Variants in NTMT1 observed in about 807,000 individuals in gnomAD.
NTMT1 encodes N-terminal RCC1 methyltransferase.
A neutral mutation model predicts 17.5 loss-of-function variants in NTMT1; 8 were observed. That is an observed-to-expected ratio of 0.46 (90% confidence interval 0.27 to 0.82). The LOEUF (loss-of-function observed/expected upper bound fraction) is 0.82. Among genes scored for constraint, NTMT1 ranks in the 40% least tolerant of loss-of-function variants. The pLI, the probability that NTMT1 is intolerant of heterozygous loss-of-function variation, is 0.15. For synonymous variants in NTMT1, 128 were observed against 126.8 expected, an observed-to-expected ratio of 1.01 and a Z score of -0.06; for missense variants, 221 against 303.5, an observed-to-expected ratio of 0.73 and a Z score of 2.02.
intron 3 of NTMT1, 184 bp from the exon 4 acceptor site, chr9:129,635,022 CCA>C (rs561943026): frequency 4.7e-5 from 32 of 683,128 alleles, no homozygotes; most frequent in African/African-American, 1.4e-4. Flanking sequence ...GACCTCTGAG[CCA>C]CAGTTTCCTA....
chr9:129,611,319 C>T (rs893677928), intron 1 of NTMT1, among the ~76,000 whole-genome samples: 1 of 152,212 alleles, frequency 6.6e-6, no homozygotes, highest in African/African-American at 2.4e-5. Flanking sequence ...AAAGAGGCGG[C>T]GGCTCAAACT....
rs80350763 is a variant in NTMT1, at chr9:129,613,131, C to T, written c.-55+3953C>T. 1 of 1,613,912 alleles carries T rather than the reference C, an allele frequency of 6.2e-7. No individual in the cohort carries two copies. The highest frequency in any genetic ancestry group is 8.5e-7 in the Non-Finnish European group (1 of 1,180,004). On this transcript the variant is annotated intron_variant, in intron 1 of 3. Coordinates refer to the NTMT1 transcript ENST00000372486. This position sits in a 1 kb window ranked among gnomAD's most constrained non-coding sequence, Gnocchi z 6.2. Reference sequence around the variant, plus strand: ...CCTGCTCCAGGTTTCTGTGCGGGTCCAAGAAGGCTCGGAGGCTGCTTCGCG... The same window carrying T: ...CCTGCTCCAGGTTTCTGTGCGGGTCTAAGAAGGCTCGGAGGCTGCTTCGCG...
intron 3 of NTMT1, 69 bp downstream of exon 3, chr9:129,634,375 C>G: frequency 6.5e-7 from 1 of 1,527,130 alleles, no homozygotes; most frequent in Non-Finnish European, 8.8e-7. Flanking sequence ...CATAAGGTGT[C>G]AGGACCAGGG....
intron 1 of NTMT1, among the ~76,000 whole-genome samples, chr9:129,610,492 G>A (rs914162000): frequency 2.0e-5 from 3 of 152,024 alleles, no homozygotes; most frequent in African/African-American, 7.2e-5. Context: ...GGGGGGCGGG[G>A]GCGGCGCGTT....
In NTMT1 at chr9:129,634,287, C is replaced by T; in HGVS notation, c.396C>T (p.Ile132=). 6.2e-7 allele frequency: 1 copy of T among 1,607,048 alleles called. No individual in the cohort carries two copies. The highest frequency in any genetic ancestry group is 8.5e-7 in the Non-Finnish European group (1 of 1,175,468). The change falls in exon 3 of 4, where the codon ATC becomes ATT. Residue 132 remains isoleucine, a synonymous_variant. Transcript: ENST00000372483. ...CGGAGCCGGACTCTTACGACGTGAT[C>T]TGGATCCAGTGGGTGATAGGTGAGG... ...FTPEPDSYDV[I]WIQWVIGHLT... is the part of the protein sequence containing the mutation.
chr9:129,610,628 G>A (rs895835970), intron 1 of NTMT1, among the ~76,000 whole-genome samples: 1 of 151,960 alleles, frequency 6.6e-6, no homozygotes, highest in Non-Finnish European at 1.5e-5. Flanking sequence ...GCCGCGCGAG[G>A]GGAAAAGTTT....
At position 129,613,034 on chromosome 9, in the gene NTMT1, G is replaced by A; in HGVS notation, c.-55+3856G>A. On this transcript the variant is annotated intron_variant, in intron 1 of 3. Coordinates refer to the NTMT1 transcript ENST00000372486. The surrounding 1 kb of genome is among the most constrained non-coding windows in gnomAD (Gnocchi z 6.2). ...CCAGCCCCAGCCACTCCACCAAACA[G>A]GGCTGCTCCCGGAGCCAGCTGCCAG... 1 of 1,586,554 alleles carries A rather than the reference G, an allele frequency of 6.3e-7. No homozygotes were observed. Among genetic ancestry groups the A allele is most frequent in the African/African-American group, 1.3e-5 (1 of 74,428 alleles).
chr9:129,615,890 C>T (rs1343783789), intron 1 of NTMT1, among the ~76,000 whole-genome samples: 1 of 152,246 alleles, frequency 6.6e-6, no homozygotes, highest in Non-Finnish European at 1.5e-5. Context: ...TTATCATTCT[C>T]ATTTTATAGT....
chr9:129,630,339 G>A (rs1157556498), intron 1 of NTMT1, among the ~76,000 whole-genome samples: 1 of 152,036 alleles, frequency 6.6e-6, no homozygotes, highest in Admixed American at 6.6e-5. Flanking sequence ...CAGGTGTGGC[G>A]GTATGTGCCT....
rs1210952061 is a variant in NTMT1 at position 129,635,652 on chromosome 9, G to A, written c.*188G>A. ...GGTGGGACCCGGCGGGGAGGGTGCT[G>A]CTGAACCAGCGGTGAGGCAGGAGCC... is the stretch of plus-strand genomic sequence containing the variant. On this transcript the variant is annotated 3_prime_UTR_variant, in exon 4 of 4. Transcript: ENST00000372483. The A allele has an allele frequency of 2.8e-6, 2 of 708,946 alleles. No individual in the cohort carries two copies. Among genetic ancestry groups the A allele is most frequent in the Non-Finnish European group, 4.7e-6 (2 of 427,542 alleles). The allele number at this position is 708,946 out of a possible 1,614,324, so 43.9% of individuals were successfully genotyped here. A position where few individuals can be genotyped will look rare whatever the true frequency, so the allele number is the denominator to read the frequency against.
rs779185577 is a variant in NTMT1, at chr9:129,635,506, G to C, written c.*42G>C. On this transcript the variant is annotated 3_prime_UTR_variant, in exon 4 of 4. Transcript: ENST00000372483. ...GAAACTGAGGAACCACAGTCCTGGTGGGGGGAGCTGGCAGCTGGGCAAGAT... is the reference window on the plus strand; with the variant it reads ...GAAACTGAGGAACCACAGTCCTGGTCGGGGGAGCTGGCAGCTGGGCAAGAT... The C allele has an allele frequency of 5.7e-6, 9 of 1,575,382 alleles. No homozygotes were observed. Among genetic ancestry groups the C allele is most frequent in the South Asian group, 3.5e-5 (3 of 86,456 alleles).
At chr9:129,629,935 A>G (rs562213062) in intron 1 of NTMT1, among the ~76,000 whole-genome samples, 2 of 152,280 alleles carry the variant, frequency 1.3e-5, no homozygotes, top group East Asian at 3.9e-4. Flanking sequence ...CCCCATCTCA[A>G]AAAAACAAGA....
intron 1 of NTMT1, among the ~76,000 whole-genome samples, chr9:129,616,347 C>T (rs1484127221): frequency 6.6e-6 from 1 of 152,206 alleles, no homozygotes; most frequent in Non-Finnish European, 1.5e-5. Flanking sequence ...TCCCGAGTAG[C>T]TGGGACTACA....
chr9:129,617,499 G>A (rs1396419549), intron 1 of NTMT1, among the ~76,000 whole-genome samples: 1 of 152,220 alleles, frequency 6.6e-6, no homozygotes, highest in Non-Finnish European at 1.5e-5. Context: ...CTCACACACA[G>A]TAAGGTGCTC....
intron 1 of NTMT1, among the ~76,000 whole-genome samples, chr9:129,630,436 AAAG>A (rs1052059502): frequency 7.9e-5 from 12 of 152,348 alleles, no homozygotes; most frequent in African/African-American, 2.9e-4. Context: ...TTCTAAAAAA[AAAG>A]AAGAAAAAAT....
At chr9:129,618,131 G>T (rs999364703) in intron 1 of NTMT1, among the ~76,000 whole-genome samples, 1 of 152,190 alleles carries the variant, frequency 6.6e-6, no homozygotes. Flanking sequence ...TGATATGTTT[G>T]TGATGTATTT....
Position 129,633,991 on chromosome 9 carries a change from G to C in NTMT1, c.163-63G>C, listed in dbSNP as rs558814090. The C allele has an allele frequency of 2.3e-5, 36 of 1,554,140 alleles. 1 individual carries two copies. The East Asian group carries it at 2.5e-4, about 11-fold the overall frequency. ...CTTGAGTCTAAGTCCTAGGGCTCGT[G>C]AGGAAGGGCCGCACGTGCGGTGACA... On this transcript the variant is annotated intron_variant, in intron 2 of 3. Transcript: ENST00000372483.
At chr9:129,621,623 C>T (rs897473299), upstream of NTMT1, among the ~76,000 whole-genome samples, 8 of 152,212 alleles carry the variant, frequency 5.3e-5, no homozygotes, top group African/African-American at 1.9e-4. Context: ...TTGCCTTGGC[C>T]TCCCAAAGTG....
At chr9:129,630,022 C>T (rs1304003119) in intron 1 of NTMT1, among the ~76,000 whole-genome samples, 5 of 152,232 alleles carry the variant, frequency 3.3e-5, no homozygotes, top group African/African-American at 9.6e-5. Context: ...GACCCAATCA[C>T]GGATCTAAGA....
Sources: gnomAD v4.1 joint callset for allele counts (sites outside exome capture counted in the v4.1 genomes callset) on GRCh38, gnomAD v4.1.1 for gene constraint, Gnocchi (gnomAD v3.1) non-coding constraint, MANE v1.5 for transcripts, NCBI Gene and HGNC (gene_info 2026-07-23, HGNC 2026-07-21) for gene names.